SLC36A4: variants seen among roughly 807,000 people sequenced by gnomAD.
SLC36A4 encodes the protein solute carrier family 36 member 4.
In SLC36A4, 49 loss-of-function variants were observed where a neutral mutation model predicts 50.5. The ratio of observed to expected loss-of-function variants is 0.97; its 90% CI spans 0.77 to 1.23. The LOEUF (loss-of-function observed/expected upper bound fraction) is 1.23, where lower values mean the gene tolerates loss of function less well. Among genes scored for constraint, SLC36A4 ranks in the 50% most tolerant of loss-of-function variants. The pLI is 0.00. For missense variants in SLC36A4, 611 were observed against 608.4 expected, an observed-to-expected ratio of 1.00 and a Z score of -0.05; for synonymous variants, 207 against 206.5, an observed-to-expected ratio of 1.00 and a Z score of -0.02.
At chr11:93,191,070 C>T (rs915343167) in intron 1 of SLC36A4, among the ~76,000 whole-genome samples, 2 of 152,062 alleles carry the variant, frequency 1.3e-5, no homozygotes, top group African/African-American at 4.8e-5. Flanking sequence ...TACTTAGTAC[C>T]CAAGAAGTTG....
chr11:93,176,772 T>C (rs1043503834), intron 6 of SLC36A4, among the ~76,000 whole-genome samples: 11 of 152,240 alleles, frequency 7.2e-5, no homozygotes, highest in African/African-American at 2.7e-4. Flanking sequence ...TGTTGAATAT[T>C]GGACCCCACT....
At chr11:93,171,759 C>G (rs1861146581) in intron 6 of SLC36A4, 1 of 151,850 alleles carries the variant, frequency 6.6e-6, no homozygotes. Flanking sequence ...CTTATCAGTT[C>G]TTGTTAATAA....
chr11:93,180,444 G>A (rs80352893), intron 6 of SLC36A4: 23,693 of 460,462 alleles, frequency 0.051, 749 homozygotes, highest in South Asian at 0.098. Context: ...TTAGCCTACT[G>A]GCTAAAGCCT....
At chr11:93,192,745 G>T (rs139469885) in intron 1 of SLC36A4, among the ~76,000 whole-genome samples, 3 of 152,070 alleles carry the variant, frequency 2.0e-5, no homozygotes, top group Non-Finnish European at 4.4e-5. Context: ...CGTTTCAAGC[G>T]CTCAATAACC....
chr11:93,160,321 T>G, intron 9 of SLC36A4: 15 of 985,432 alleles, frequency 1.5e-5, no homozygotes, highest in Non-Finnish European at 1.8e-5. Flanking sequence ...GCTTTCCTGT[T>G]TTTTCCAGAT....
chr11:93,168,157 G>T lies in SLC36A4; in HGVS notation c.555C>A (p.Phe185Leu). The part of the protein sequence containing the change: ...AENVKQVHEG[F>L]LESKVFISNS... ...TTGAAATAAACACTTTACTCTCCAG[G>T]AATCCTTCATGAACCTACATAGGAT... The change falls in exon 7 of 11, where the codon TTC becomes TTA. Residue 185 changes from phenylalanine (F) to leucine (L), a missense_variant. By Grantham distance (22) the Phe-to-Leu change is conservative. Coordinates refer to ENST00000326402, the MANE Select transcript of SLC36A4 (RefSeq NM_152313.4). 2 of 1,606,302 alleles carry T rather than the reference G, an allele frequency of 1.2e-6. No homozygotes were observed. The highest frequency in any genetic ancestry group is 1.1e-5 in the South Asian group (1 of 89,772).
At chr11:93,175,165 T>C (rs996090335) in intron 6 of SLC36A4, among the ~76,000 whole-genome samples, 9 of 151,338 alleles carry the variant, frequency 5.9e-5, no homozygotes, top group African/African-American at 2.2e-4. Context: ...TTCTTCCTGG[T>C]TTAGTCTTGG....
intron 1 of SLC36A4, among the ~76,000 whole-genome samples, chr11:93,196,869 A>T (rs1862451405): frequency 6.6e-6 from 1 of 152,226 alleles, no homozygotes; most frequent in African/African-American, 2.4e-5. Flanking sequence ...AGTTGCTGTG[A>T]GGATTAAAGA....
chr11:93,156,670 G>C (rs1860380255), intron 9 of SLC36A4, among the ~76,000 whole-genome samples: 1 of 151,956 alleles, frequency 6.6e-6, no homozygotes, highest in Non-Finnish European at 1.5e-5. Flanking sequence ...TGCCCGCCTT[G>C]GCCTCCCAAG....
At chr11:93,179,065 T>C (rs1433614728) in intron 6 of SLC36A4, among the ~76,000 whole-genome samples, 1 of 152,178 alleles carries the variant, frequency 6.6e-6, no homozygotes, top group Non-Finnish European at 1.5e-5. Context: ...AATGGGTGTT[T>C]GCACAGGATG....
rs182169881 is a variant in SLC36A4, at chr11:93,172,383, G to C, written c.541-4212C>G. On this transcript the variant is annotated intron_variant, in intron 6 of 10. Transcript: ENST00000326402. The stretch of plus-strand genomic sequence containing the variant: ...CAGTATACACTGCACCATATTTGTT[G>C]TCTTTTATCCCTTGTCCCCTCCCAC... Among the ~76,000 whole-genome samples, 369 of 151,368 alleles carry C rather than the reference G, an allele frequency of 2.4e-3. 4 individuals are homozygous for C. The highest frequency in any genetic ancestry group is 8.6e-3 in the African/African-American group (354 of 41,210).
chr11:93,159,305 T>G (rs983542790), intron 9 of SLC36A4, among the ~76,000 whole-genome samples: 1 of 152,172 alleles, frequency 6.6e-6, no homozygotes, highest in Admixed American at 6.6e-5. Flanking sequence ...TTTGAAAACA[T>G]AGAATATCAA....
intron 1 of SLC36A4, among the ~76,000 whole-genome samples, chr11:93,195,926 T>C (rs1862400611): frequency 6.6e-6 from 1 of 152,176 alleles, no homozygotes; most frequent in African/African-American, 2.4e-5. Context: ...CCTGCTCTTG[T>C]TTTCCATAGC....
intron 6 of SLC36A4, chr11:93,171,231 T>C (rs1200077240): frequency 3.3e-5 from 5 of 152,136 alleles, no homozygotes; most frequent in Non-Finnish European, 7.4e-5. Context: ...CCTGATCTTC[T>C]TAGGACATGT....
At chr11:93,181,611 TTATA>T in intron 5 of SLC36A4, 76 bp downstream of exon 5, 1 of 1,018,804 alleles carries the variant, frequency 9.8e-7, no homozygotes, top group Non-Finnish European at 1.3e-6. Context: ...ATATTTTTAT[TTATA>T]TATATTGTTA....
chr11:93,164,387 A>G (rs1267347158), intron 8 of SLC36A4, among the ~76,000 whole-genome samples: 1 of 152,244 alleles, frequency 6.6e-6, no homozygotes, highest in Non-Finnish European at 1.5e-5. Flanking sequence ...CCATAAAATT[A>G]GGCCATACAG....
rs368143252 is a variant in SLC36A4, at chr11:93,168,163, T to C, written c.549A>G (p.Glu183=). Residue 183 remains glutamate, a synonymous_variant, in exon 7 of 11, where the codon GAA becomes GAG. Transcript: ENST00000326402. ...TAAACACTTTACTCTCCAGGAATCC[T>C]TCATGAACCTACATAGGATTACCAG... is the stretch of plus-strand genomic sequence containing the variant. ...FLAENVKQVH[E]GFLESKVFIS... The C allele has an allele frequency of 1.4e-4, 231 of 1,600,144 alleles. 5 individuals are homozygous for C. Among genetic ancestry groups the C allele is most frequent in the South Asian group, 1.2e-3 (104 of 89,132 alleles).
chr11:93,163,398 C>T (rs1860717908), intron 8 of SLC36A4, among the ~76,000 whole-genome samples: 1 of 152,170 alleles, frequency 6.6e-6, no homozygotes, highest in Non-Finnish European at 1.5e-5. Context: ...GATCGTTTCT[C>T]AATCCTTGCT....
rs188554560 is a variant in SLC36A4 at position 93,168,372 on chromosome 11, C to T, written c.541-201G>A. The stretch of plus-strand genomic sequence containing the variant: ...ATGTATCAAATATAAGGATAACTGA[C>T]GTAAGATAATCTTGAAAGGTAATTT... On this transcript the variant is annotated intron_variant, in intron 6 of 10. Transcript: ENST00000326402. 2.6e-3 allele frequency among the ~76,000 whole-genome samples: 392 copies of T among 151,964 alleles called. 4 individuals carry two copies. Among genetic ancestry groups the T allele is most frequent in the African/African-American group, 8.7e-3 (363 of 41,494 alleles).
Sources: allele counts gnomAD v4.1 joint callset (sites outside exome capture counted in the v4.1 genomes callset), GRCh38; gene constraint gnomAD v4.1.1; transcripts MANE v1.5; gene names NCBI Gene and HGNC (gene_info 2026-07-23, HGNC 2026-07-21).